The following ETV4 variants were observed in gnomAD, a reference collection of about 807,000 sequenced individuals.
The protein encoded by ETV4 is ETS translocation variant 4.
In ETV4, 42 loss-of-function variants were observed where a neutral mutation model predicts 65.9. That is an observed-to-expected ratio of 0.64 (90% CI 0.50 to 0.82). ETV4 has a LOEUF of 0.82. Ranked by LOEUF, ETV4 falls within the 40% of genes least tolerant of loss-of-function variation. The pLI, the probability that ETV4 is intolerant of heterozygous loss-of-function variation, is 0.00. For synonymous variants in ETV4, 238 were observed against 260.0 expected (o/e 0.92, Z 0.81); for missense variants, 583 against 630.3 (o/e 0.92, Z 0.80).
intron 4 of ETV4, among the ~76,000 whole-genome samples, chr17:43,542,096 A>T (rs1488964596): frequency 6.6e-6 from 1 of 152,150 alleles, no homozygotes; most frequent in African/African-American, 2.4e-5. Context: ...TGGGACAGCC[A>T]AAGGGCAAAG....
At position 43,533,342 on chromosome 17, in the gene ETV4, A is replaced by G. The variant is rs201440707; in HGVS notation, c.390T>C (p.Tyr130=). ...HGEQCLYSSA[Y]DPPRQIAIKS... is the part of the protein sequence containing the mutation. ...TGATGGCGATTTGTCTGGGGGGGTC[A>G]TAGGCACTGGAGTTGAGAAGGAGAC... The change falls in exon 7 of 13, where the codon TAT becomes TAC. Residue 130 remains tyrosine, a synonymous_variant. Coordinates refer to ENST00000319349, the MANE Select transcript of ETV4 (RefSeq NM_001079675.5). 1.9e-6 allele frequency: 3 copies of G among 1,613,188 alleles called. No homozygotes were observed. In the African/African-American group the frequency reaches 4.0e-5, roughly 22 times the overall value.
chr17:43,530,512 G>T, intron 8 of ETV4: 1 of 1,102,364 alleles, frequency 9.1e-7, no homozygotes, highest in Non-Finnish European at 1.2e-6. Context: ...TGAGATGAAC[G>T]TCCGGGGAAA....
At chr17:43,543,011 G>A (rs1214525051) in intron 4 of ETV4, among the ~76,000 whole-genome samples, 1 of 152,092 alleles carries the variant, frequency 6.6e-6, no homozygotes, top group African/African-American at 2.4e-5. Context: ...GGTGGTGTTG[G>A]GATGGTGCAG....
chr17:43,528,501 G>A lies in ETV4; in HGVS notation c.*18C>T. 3.2e-6 allele frequency: 5 copies of A among 1,543,672 alleles called. No homozygotes were observed. The highest frequency in any genetic ancestry group is 4.4e-6 in the Non-Finnish European group (5 of 1,127,296). On this transcript the variant is annotated 3_prime_UTR_variant, in exon 13 of 13. Transcript: ENST00000319349. Reference sequence around the variant, plus strand: ...CAGGGCAGCACCCACCTGCGGCAGGGGGAACAGCCGCTGGGGGCTAGTAAG... The same window carrying A: ...CAGGGCAGCACCCACCTGCGGCAGGAGGAACAGCCGCTGGGGGCTAGTAAG...
intron 1 of ETV4, 36 bp from the exon 2 acceptor site, chr17:43,545,704 A>C: frequency 1.0e-6 from 1 of 963,210 alleles, no homozygotes; most frequent in Non-Finnish European, 1.5e-6. Context: ...CACACCGTCC[A>C]GGGAGGGCTG....
At chr17:43,534,166 G>A (rs35301328) in intron 5 of ETV4, among the ~76,000 whole-genome samples, 181 bp from the exon 6 acceptor site, 1,974 of 152,246 alleles carry the variant, frequency 0.013, 48 homozygotes, top group African/African-American at 0.046. Context: ...TTTACATTAT[G>A]TCTAGTTTAT....
At chr17:43,545,065 G>A (rs760516817) in intron 3 of ETV4, 43 bp from the exon 4 acceptor site, 9 of 1,595,412 alleles carry the variant, frequency 5.6e-6, no homozygotes, top group Non-Finnish European at 7.7e-6. Flanking sequence ...TGGAGGGGAC[G>A]GTAAGAGAGA....
Position 43,527,892 on chromosome 17 carries a change from G to A in ETV4, c.*627C>T, listed in dbSNP as rs926214378. On this transcript the variant is annotated 3_prime_UTR_variant, in exon 13 of 13. Coordinates refer to ENST00000319349, the MANE Select transcript of ETV4 (RefSeq NM_001079675.5). Reference sequence around the variant, plus strand: ...TTAAGGTCTGGCAGATGTGGTGGAGGTGGAAGTACAAACCCAGGCCTGGGC... The same window carrying A: ...TTAAGGTCTGGCAGATGTGGTGGAGATGGAAGTACAAACCCAGGCCTGGGC... 6.9e-5 allele frequency: 16 copies of A among 232,514 alleles called. No homozygotes were observed. The highest frequency in any genetic ancestry group is 2.5e-3 in the Middle Eastern group (2 of 806). 14.4% of individuals were successfully genotyped at this position (232,514 alleles called of 1,614,324 possible).
chr17:43,536,614 T>C, intron 4 of ETV4, 135 bp from the exon 5 acceptor site: 1 of 692,228 alleles, frequency 1.4e-6, no homozygotes, highest in Non-Finnish European at 2.5e-6. Context: ...GTCCACATTG[T>C]AAGAATTGTC....
chr17:43,542,193 T>A (rs1357491990), intron 4 of ETV4, among the ~76,000 whole-genome samples: 2 of 152,236 alleles, frequency 1.3e-5, no homozygotes, highest in Non-Finnish European at 2.9e-5. Context: ...GAGAATCTGA[T>A]AAAAGCTATG....
chr17:43,541,767 A>C lies in ETV4; in HGVS notation c.202+3208T>G, dbSNP rs537695429. ...TCCCTTACCCTGCCCCCACCCTGGC[A>C]GCCTCTGTACTGGAAGGAACCAGTT... On this transcript the variant is annotated intron_variant, in intron 4 of 12. Coordinates refer to ENST00000319349, the MANE Select transcript of ETV4 (RefSeq NM_001079675.5). Among the ~76,000 whole-genome samples, 8 of 152,234 alleles carry C rather than the reference A, an allele frequency of 5.3e-5. No homozygotes were observed. The South Asian group carries it at 1.7e-3, about 32-fold the overall frequency.
chr17:43,536,112 G>A (rs1444534519), intron 5 of ETV4, among the ~76,000 whole-genome samples: 1 of 145,980 alleles, frequency 6.9e-6, no homozygotes, highest in African/African-American at 2.5e-5. Flanking sequence ...CTCTGTCTTG[G>A]GGGGAAAACA....
chr17:43,542,550 C>A (rs1351284548), intron 4 of ETV4, among the ~76,000 whole-genome samples: 1 of 152,164 alleles, frequency 6.6e-6, no homozygotes, highest in Non-Finnish European at 1.5e-5. Context: ...TCCCCAACAT[C>A]TCAACAGATC....
At chr17:43,535,743 CAA>C (rs969300214) in intron 5 of ETV4, among the ~76,000 whole-genome samples, 15 of 152,180 alleles carry the variant, frequency 9.9e-5, no homozygotes, top group African/African-American at 3.6e-4. Context: ...CTGTGACAAC[CAA>C]AAATGTCTAC....
intron 4 of ETV4, among the ~76,000 whole-genome samples, chr17:43,539,209 C>G (rs897542030): frequency 6.6e-6 from 1 of 152,232 alleles, no homozygotes; most frequent in Non-Finnish European, 1.5e-5. Context: ...GCCTACCTCT[C>G]TGACCTGCCT....
At chr17:43,543,661 A>C (rs1346869312) in intron 4 of ETV4, among the ~76,000 whole-genome samples, 1 of 152,134 alleles carries the variant, frequency 6.6e-6, no homozygotes, top group South Asian at 2.1e-4. Flanking sequence ...AAGGATGGGG[A>C]GACGGGGCAA....
At position 43,546,187 on chromosome 17, in the gene ETV4, G is replaced by A. The variant is rs1363879789; in HGVS notation, c.-54C>T. Reference sequence around the variant, plus strand: ...CCCTTTCCCTCCCGCAGCCTCACCTGAGGCCGGGGCGTCTGGGCTGGAGCC... The same window carrying A: ...CCCTTTCCCTCCCGCAGCCTCACCTAAGGCCGGGGCGTCTGGGCTGGAGCC... On this transcript the variant is annotated splice_region_variant and 5_prime_UTR_variant, in exon 1 of 13. Coordinates refer to ENST00000319349, the MANE Select transcript of ETV4 (RefSeq NM_001079675.5). 2 of 153,922 alleles carry A rather than the reference G, an allele frequency of 1.3e-5. No homozygotes were observed. Among genetic ancestry groups the A allele is most frequent in the East Asian group, 3.9e-4 (2 of 5,178 alleles). The allele number at this position is 153,922 out of a possible 1,614,324, so 9.5% of individuals were successfully genotyped here. A position where few individuals can be genotyped will look rare whatever the true frequency, so the allele number is the denominator to read the frequency against.
intron 4 of ETV4, among the ~76,000 whole-genome samples, chr17:43,543,656 T>C (rs1224045513): frequency 6.6e-6 from 1 of 152,036 alleles, no homozygotes; most frequent in Non-Finnish European, 1.5e-5. Flanking sequence ...AGAAGAAGGA[T>C]GGGGAGACGG....
chr17:43,529,774 G>C (rs1051212493), intron 10 of ETV4, 98 bp from the exon 11 acceptor site: 3 of 1,597,182 alleles, frequency 1.9e-6, no homozygotes, highest in African/African-American at 2.7e-5. Context: ...GTCTCCCCAG[G>C]TACTTTTCTA....
Sources: gnomAD v4.1 joint callset for allele counts (sites outside exome capture counted in the v4.1 genomes callset) on GRCh38, gnomAD v4.1.1 for gene constraint, MANE v1.5 for transcripts, NCBI Gene and HGNC (gene_info 2026-07-23, HGNC 2026-07-21) for gene names.